ADAMTS19: variants seen among roughly 807,000 people sequenced by gnomAD.
ADAMTS19 encodes the protein A disintegrin and metalloproteinase with thrombospondin motifs 19.
A neutral mutation model predicts 153.3 loss-of-function variants in ADAMTS19; 93 were observed. That is an observed-to-expected ratio of 0.61 (90% CI 0.51 to 0.72). The LOEUF (loss-of-function observed/expected upper bound fraction) is 0.72. Among genes scored for constraint, ADAMTS19 ranks in the 30% least tolerant of loss-of-function variants. ADAMTS19 has a pLI of 0.00. For synonymous variants in ADAMTS19, 600 were observed against 556.6 expected, an observed-to-expected ratio of 1.08 and a Z score of -1.10; for missense variants, 1,482 against 1,552.1, an observed-to-expected ratio of 0.95 and a Z score of 0.76.
At chr5:129,668,277 G>A (rs1487907686) in intron 16 of ADAMTS19, among the ~76,000 whole-genome samples, 1 of 152,042 alleles carries the variant, frequency 6.6e-6, no homozygotes, top group Non-Finnish European at 1.5e-5. Context: ...CCCATCTCAA[G>A]ATCTTCAACT....
At chr5:129,591,033 G>A (rs965937785) in intron 7 of ADAMTS19, among the ~76,000 whole-genome samples, 5 of 152,100 alleles carry the variant, frequency 3.3e-5, no homozygotes, top group Admixed American at 6.5e-5. Flanking sequence ...CCACCTCTGT[G>A]AGAGACATTA....
intron 3 of ADAMTS19, among the ~76,000 whole-genome samples, chr5:129,517,407 TG>T (rs1337888173): frequency 1.3e-5 from 2 of 152,014 alleles, no homozygotes; most frequent in Non-Finnish European, 2.9e-5. Flanking sequence ...ATTATTGTAT[TG>T]TGGCCTATTC....
intron 16 of ADAMTS19, among the ~76,000 whole-genome samples, chr5:129,668,045 T>C (rs1754131204): frequency 6.6e-6 from 1 of 152,096 alleles, no homozygotes; most frequent in Admixed American, 6.6e-5. Flanking sequence ...CAAAAATCAG[T>C]GTTTGCAGTG....
intron 22 of ADAMTS19, among the ~76,000 whole-genome samples, chr5:129,736,367 G>A (rs907151239): frequency 6.6e-6 from 1 of 152,008 alleles, no homozygotes; most frequent in Non-Finnish European, 1.5e-5. Flanking sequence ...ATTAGAATAC[G>A]ATTCATTCTC....
intron 14 of ADAMTS19, among the ~76,000 whole-genome samples, chr5:129,658,351 A>AGAGAGAGAGAG (rs1554103337): frequency 2.6e-4 from 34 of 133,232 alleles, no homozygotes; most frequent in East Asian, 2.4e-3. Context: ...GAAAGAAAGA[A>AGAGAGAGAGAG]AGAAAGAAAG....
intron 16 of ADAMTS19, among the ~76,000 whole-genome samples, chr5:129,675,602 TTATA>T (rs1442151741): frequency 6.6e-6 from 1 of 152,144 alleles, no homozygotes; most frequent in Non-Finnish European, 1.5e-5. Flanking sequence ...ATTACAGTTA[TTATA>T]TATATTTTTT....
At chr5:129,504,963 T>C (rs565236908) in intron 2 of ADAMTS19, among the ~76,000 whole-genome samples, 1 of 152,140 alleles carries the variant, frequency 6.6e-6, no homozygotes, top group East Asian at 1.9e-4. Flanking sequence ...ATATCGACTG[T>C]TGTTAATAGT....
At chr5:129,527,633 TA>T (rs373626538) in intron 4 of ADAMTS19, 114 bp from the exon 5 acceptor site, 607 of 164,734 alleles carry the variant, frequency 3.7e-3, no homozygotes, top group South Asian at 5.1e-3. Context: ...TTTTTTTTTT[TA>T]AAAAAAAAAA....
chr5:129,608,116 GTATATATATA>G lies in ADAMTS19; in HGVS notation c.1478+11467_1478+11476del, dbSNP rs1554098182. Reference sequence around the variant, plus strand: ...TGTGTGTGTGTGTGTGTGTGTGTGTGTATATATATATATATATATATATAATGGAACATTA... The same window carrying G: ...TGTGTGTGTGTGTGTGTGTGTGTGTGTATATATATATATAATGGAACATTA... On this transcript the variant is annotated intron_variant, in intron 8 of 22. Transcript: ENST00000274487. 8.3e-5 allele frequency among the ~76,000 whole-genome samples: 4 copies of G among 47,928 alleles called. 1 individual carries two copies. The Admixed American group carries it at 1.1e-3, about 13-fold the overall frequency. The allele number at this position is 47,928 out of a possible 152,430, so 31.4% of individuals were successfully genotyped here.
At chr5:129,611,899 C>T (rs1421129348) in intron 8 of ADAMTS19, among the ~76,000 whole-genome samples, 1 of 152,098 alleles carries the variant, frequency 6.6e-6, no homozygotes, top group East Asian at 1.9e-4. Context: ...GTTCTCTCCA[C>T]AGAAAGTCTA....
At chr5:129,589,995 C>A (rs1750020292) in intron 7 of ADAMTS19, among the ~76,000 whole-genome samples, 1 of 152,072 alleles carries the variant, frequency 6.6e-6, no homozygotes, top group African/African-American at 2.4e-5. Context: ...GTTTTGATTT[C>A]TAGCATTCTC....
chr5:129,515,386 G>A (rs1421294974), intron 3 of ADAMTS19, among the ~76,000 whole-genome samples: 1 of 151,846 alleles, frequency 6.6e-6, no homozygotes, highest in Non-Finnish European at 1.5e-5. Context: ...GCTTTGAGTA[G>A]TATGGACATT....
intron 11 of ADAMTS19, among the ~76,000 whole-genome samples, chr5:129,642,273 G>A (rs72792807): frequency 0.058 from 8,819 of 151,848 alleles, 403 homozygotes; most frequent in African/African-American, 0.13. Context: ...AGTAAATTAA[G>A]CACAAATAAT....
chr5:129,597,466 A>C (rs1455472830), intron 8 of ADAMTS19, among the ~76,000 whole-genome samples: 1 of 152,196 alleles, frequency 6.6e-6, no homozygotes, highest in Non-Finnish European at 1.5e-5. Context: ...CAAGCCATTC[A>C]ACTCAGGTCA....
chr5:129,569,464 C>A (rs1467191744), intron 7 of ADAMTS19, among the ~76,000 whole-genome samples: 1 of 151,926 alleles, frequency 6.6e-6, no homozygotes, highest in Non-Finnish European at 1.5e-5. Flanking sequence ...AATTGAAAAC[C>A]ACCGCTAGCT....
In ADAMTS19 at chr5:129,684,067, T is replaced by C. The variant is rs559638754; in HGVS notation, c.2665-53T>C. 5.2e-6 allele frequency: 8 copies of C among 1,528,708 alleles called. No individual in the cohort carries two copies. In the African/African-American group the frequency reaches 6.9e-5, roughly 13 times the overall value. 94.7% of individuals were successfully genotyped at this position (1,528,708 alleles called of 1,614,324 possible). A position where few individuals can be genotyped will look rare whatever the true frequency, so the allele number is the denominator to read the frequency against. ...AATATTGTTAATTTTATGCTTTACA[T>C]TGCACGTGCTCTAGTTTGACCCATC... On this transcript the variant is annotated intron_variant, in intron 17 of 22. Transcript: ENST00000274487.
intron 10 of ADAMTS19, among the ~76,000 whole-genome samples, chr5:129,635,258 C>T (rs55987996): frequency 0.038 from 5,776 of 152,188 alleles, 342 homozygotes; most frequent in African/African-American, 0.13. Flanking sequence ...CAAAAAATAA[C>T]AGATGCTGAT....
chr5:129,737,354 A>G lies in ADAMTS19; in HGVS notation c.*136A>G. 3 of 939,938 alleles carry G rather than the reference A, an allele frequency of 3.2e-6. No individual in the cohort carries two copies. The highest frequency in any genetic ancestry group is 3.2e-5 in the East Asian group (1 of 31,550). 58.2% of individuals were successfully genotyped at this position (939,938 alleles called of 1,614,324 possible). On this transcript the variant is annotated 3_prime_UTR_variant, in exon 23 of 23. Transcript: ENST00000274487. ...AATTAATTTATTTTTTTGCCTGCCAAACATCCAATGTGGTGCTTGTTTTGG... is the reference window on the plus strand; with the variant it reads ...AATTAATTTATTTTTTTGCCTGCCAGACATCCAATGTGGTGCTTGTTTTGG...
At chr5:129,486,963 T>C (rs548256856) in intron 2 of ADAMTS19, among the ~76,000 whole-genome samples, 1 of 152,268 alleles carries the variant, frequency 6.6e-6, no homozygotes, top group Admixed American at 6.5e-5. Context: ...TGCATGCACA[T>C]GCATTTATCA....
Sources: gnomAD v4.1 joint callset for allele counts (sites outside exome capture counted in the v4.1 genomes callset) on GRCh38, gnomAD v4.1.1 for gene constraint, MANE v1.5 for transcripts, NCBI Gene and HGNC (gene_info 2026-07-23, HGNC 2026-07-21) for gene names.